Variants in PCDHGA2 observed in about 807,000 individuals in gnomAD.
The protein encoded by PCDHGA2 is protocadherin gamma subfamily A, 2, also known as protocadherin gamma-A2.
A neutral mutation model predicts 59.2 loss-of-function variants in PCDHGA2; 40 were observed. The observed-to-expected ratio is 0.68, with a 90% CI of 0.52 to 0.88. The LOEUF (loss-of-function observed/expected upper bound fraction) is 0.88, where lower values mean the gene tolerates loss of function less well. Among genes scored for constraint, PCDHGA2 ranks in the 40% least tolerant of loss-of-function variants. PCDHGA2 has a pLI of 0.00. For missense variants in PCDHGA2, 1,226 were observed against 1,204.0 expected (o/e 1.02, Z -0.27); for synonymous variants, 560 against 526.0 (o/e 1.06, Z -0.89).
chr5:141,475,820 C>T (rs890721743), intron 1 of PCDHGA2: 2 of 351,808 alleles, frequency 5.7e-6, no homozygotes, highest in African/African-American at 2.1e-5. Context: ...AAGTTCCTGG[C>T]GCTAGCGCGT....
intron 1 of PCDHGA2, chr5:141,433,354 T>C: frequency 1.7e-6 from 1 of 602,322 alleles, no homozygotes; most frequent in Non-Finnish European, 2.9e-6. Flanking sequence ...CCACCTACTG[T>C]CTGCCTATCT....
chr5:141,469,676 A>G (rs1227075639), intron 1 of PCDHGA2, among the ~76,000 whole-genome samples: 1 of 152,250 alleles, frequency 6.6e-6, no homozygotes, highest in African/African-American at 2.4e-5. Context: ...ATAAAACTAC[A>G]TATGCATTGG....
At chr5:141,395,525 G>T in intron 1 of PCDHGA2, 1 of 384,022 alleles carries the variant, frequency 2.6e-6, no homozygotes, top group Non-Finnish European at 4.6e-6. Context: ...CGTCCATACT[G>T]GTAATTTTGC....
intron 1 of PCDHGA2, among the ~76,000 whole-genome samples, chr5:141,473,831 A>G (rs950283433): frequency 1.3e-5 from 2 of 152,252 alleles, no homozygotes; most frequent in African/African-American, 4.8e-5. Context: ...GTGTGATCCA[A>G]TTAAAATTTT....
rs752837336 is a variant in PCDHGA2 at position 141,371,945 on chromosome 5, G to A, written c.2424+30550G>A. On this transcript the variant is annotated intron_variant, in intron 1 of 3. Transcript: ENST00000394576. ...CGCGGAGCGGGGTGGTGTTCGCGCAGCGAGCCTTCGACCACGAGCAGCTGC... is the reference window on the plus strand; with the variant it reads ...CGCGGAGCGGGGTGGTGTTCGCGCAACGAGCCTTCGACCACGAGCAGCTGC... 6 of 1,613,298 alleles carry A rather than the reference G, an allele frequency of 3.7e-6. No homozygotes were observed. In the Admixed American group the frequency reaches 5.0e-5, roughly 13 times the overall value.
chr5:141,477,644 T>A lies in PCDHGA2; in HGVS notation c.2425-17163T>A. On this transcript the variant is annotated intron_variant, in intron 1 of 3. Coordinates refer to ENST00000394576, the MANE Select transcript of PCDHGA2 (RefSeq NM_018915.4). The surrounding 1 kb of genome is among the most constrained non-coding windows in gnomAD (Gnocchi z 4.9). ...TGAAACCGGGCTAGTGGGTCGCTAT[T>A]TCACAATAAATCGTGACAATGGCAT... The A allele has an allele frequency of 6.2e-7, 1 of 1,614,200 alleles. No homozygotes were observed. Among genetic ancestry groups the A allele is most frequent in the Non-Finnish European group, 8.5e-7 (1 of 1,180,036 alleles).
At chr5:141,342,914 C>T (rs1057012893) in intron 1 of PCDHGA2, 1 of 152,122 alleles carries the variant, frequency 6.6e-6, no homozygotes, top group Non-Finnish European at 1.5e-5. Flanking sequence ...TCTTTCAGTA[C>T]CCTGAAGGTC....
chr5:141,446,639 G>T (rs1461520959), intron 1 of PCDHGA2, among the ~76,000 whole-genome samples: 7 of 152,116 alleles, frequency 4.6e-5, no homozygotes, highest in Non-Finnish European at 8.8e-5. Flanking sequence ...ACCACGCCTG[G>T]CTAATTTTTG....
chr5:141,350,745 A>G, intron 1 of PCDHGA2: 1 of 1,613,956 alleles, frequency 6.2e-7, no homozygotes, highest in Non-Finnish European at 8.5e-7. Context: ...GTGGAAGGCA[A>G]TTCACTGAAG....
At chr5:141,399,304 T>C (rs756847972) in intron 1 of PCDHGA2, 1 of 1,613,956 alleles carries the variant, frequency 6.2e-7, no homozygotes, top group Admixed American at 1.7e-5. Context: ...GATTATCTCT[T>C]CATCCAAAAA....
At chr5:141,361,689 C>A (rs752885909) in intron 1 of PCDHGA2, 20 of 1,613,502 alleles carry the variant, frequency 1.2e-5, no homozygotes, top group Non-Finnish European at 1.7e-5. Flanking sequence ...TCGCGCAGCG[C>A]GCCTTCGATC....
chr5:141,496,772 T>C (rs994207358), intron 2 of PCDHGA2, among the ~76,000 whole-genome samples: 9 of 152,008 alleles, frequency 5.9e-5, no homozygotes, highest in African/African-American at 1.2e-4. Flanking sequence ...GCATCTACTA[T>C]GAGCAGGGCC....
chr5:141,393,947 G>C, intron 1 of PCDHGA2: 1 of 1,613,972 alleles, frequency 6.2e-7, no homozygotes, highest in South Asian at 1.1e-5. Context: ...ACTCTGGAAA[G>C]AATGGTCAAG....
At chr5:141,446,093 GA>G (rs1217618203) in intron 1 of PCDHGA2, among the ~76,000 whole-genome samples, 1 of 152,118 alleles carries the variant, frequency 6.6e-6, no homozygotes, top group Admixed American at 6.5e-5. Flanking sequence ...ATAAATGGAT[GA>G]ATTATAGATA....
In PCDHGA2 at chr5:141,491,632, C is replaced by T; in HGVS notation, c.2425-3175C>T. On this transcript the variant is annotated intron_variant, in intron 1 of 3. Transcript: ENST00000394576. This position sits in a 1 kb window ranked among gnomAD's most constrained non-coding sequence, Gnocchi z 6.9. ...TCTAAGACCCCTCAGCGTTCAGCAG[C>T]CCACAGCTCTGGCGCTGGAGCCTGA... 1.2e-6 allele frequency: 2 copies of T among 1,613,886 alleles called. No individual in the cohort carries two copies. The highest frequency in any genetic ancestry group is 1.7e-6 in the Non-Finnish European group (2 of 1,179,994).
At chr5:141,386,520 G>A (rs976508801) in intron 1 of PCDHGA2, among the ~76,000 whole-genome samples, 1 of 144 alleles carries the variant, frequency 6.9e-3, no homozygotes, top group South Asian at 0.5. Context: ...TTCAAAAAAA[G>A]ACTCTTTTTA....
At chr5:141,443,199 G>C (rs936013020) in intron 1 of PCDHGA2, among the ~76,000 whole-genome samples, 1 of 152,002 alleles carries the variant, frequency 6.6e-6, no homozygotes. Context: ...ATAGTACAAA[G>C]AGCTTGTCTC....
At chr5:141,394,122 C>G in intron 1 of PCDHGA2, 1 of 1,613,944 alleles carries the variant, frequency 6.2e-7, no homozygotes, top group Middle Eastern at 1.6e-4. Context: ...CACTGAAACT[C>G]AAATCGCTCT....
At chr5:141,496,602 C>T (rs981108050) in intron 2 of PCDHGA2, among the ~76,000 whole-genome samples, 1 of 152,150 alleles carries the variant, frequency 6.6e-6, no homozygotes, top group Non-Finnish European at 1.5e-5. Flanking sequence ...TCTTAGAAGG[C>T]CCCTAAAAAG....
Sources: gnomAD v4.1 joint callset for allele counts (sites outside exome capture counted in the v4.1 genomes callset) on GRCh38, gnomAD v4.1.1 for gene constraint, Gnocchi (gnomAD v3.1) non-coding constraint, MANE v1.5 for transcripts, NCBI Gene and HGNC (gene_info 2026-07-23, HGNC 2026-07-21) for gene names.